Variants in MYO15A observed in about 807,000 individuals in gnomAD.
MYO15A encodes the protein myosin XVA, also known as unconventional myosin-XV.
Under a neutral mutation model 394.6 loss-of-function variants are expected in MYO15A, and 308 were observed. The ratio of observed to expected loss-of-function variants is 0.78; its 90% CI spans 0.71 to 0.86. MYO15A has a LOEUF of 0.86. Ranked by LOEUF, MYO15A falls within the 40% of genes least tolerant of loss-of-function variation. The pLI is 0.00. For missense variants in MYO15A, 4,606 were observed against 4,799.1 expected (o/e 0.96, Z 1.19); for synonymous variants, 1,957 against 2,003.8 (o/e 0.98, Z 0.62).
At position 18,120,926 on chromosome 17, in the gene MYO15A, A is replaced by G; in HGVS notation, c.2126A>G (p.His709Arg). The change falls in exon 2 of 66, where the codon CAC (histidine) becomes CGC (arginine). Residue 709 changes from histidine (H) to arginine (R), a missense_variant. His to Arg is a conservative substitution (Grantham distance 29). Transcript: ENST00000647165. ...CCGCCGCCCTGGGCCGCCCCAGCGC[A>G]CGTGCCACCGGCGCCGCAGGCCAGC... The part of the protein sequence containing the change: ...RHPPPWAAPA[H>R]VPPAPQASWW... 2 of 1,464,410 alleles carry G rather than the reference A, an allele frequency of 1.4e-6. No individual in the cohort carries two copies. The highest frequency in any genetic ancestry group is 1.8e-6 in the Non-Finnish European group (2 of 1,113,682). 90.7% of individuals were successfully genotyped at this position (1,464,410 alleles called of 1,614,324 possible).
chr17:18,172,787 T>C (rs2046961202), intron 64 of MYO15A: 2 of 257,982 alleles, frequency 7.8e-6, no homozygotes, highest in South Asian at 9.2e-5. Context: ...TCTGTCATAT[T>C]GGAGTAGGGC....
intron 22 of MYO15A, 78 bp from the exon 23 acceptor site, chr17:18,141,575 G>A: frequency 2.2e-6 from 3 of 1,361,246 alleles, no homozygotes; most frequent in South Asian, 1.2e-5. Context: ...ACACCTGGCT[G>A]GGGGCAGTAA....
rs770393118 is a variant in MYO15A at position 18,121,580 on chromosome 17, C to T, written c.2780C>T (p.Pro927Leu). Residue 927 changes from proline (P) to leucine (L), a missense_variant, in exon 2 of 66, where the codon CCC (proline) becomes CTC (leucine). Physicochemically the swap from Pro to Leu is moderately conservative, Grantham distance 98. Around this residue, in one of 2 missense-constraint regions of MYO15A, gnomAD observed 1,830 missense variants for 1,689.7 expected, o/e 1.08. Transcript: ENST00000647165. This position sits in a 1 kb window ranked among gnomAD's most constrained non-coding sequence, Gnocchi z 5.3. ...CCCTGGACTGTGCCCCCACTGGCCC[C>T]CAGCTGGGACGTGGACATGCCTCCC... is the stretch of plus-strand genomic sequence containing the variant. Reference protein sequence around the residue: ...ETPWTVPPLAPSWDVDMPPTQ... With the variant: ...ETPWTVPPLALSWDVDMPPTQ... 3 of 1,596,520 alleles carry T rather than the reference C, an allele frequency of 1.9e-6. No homozygotes were observed. The South Asian group carries it at 3.4e-5, about 18-fold the overall frequency.
At chr17:18,161,031 C>G in intron 56 of MYO15A, 1 of 560,200 alleles carries the variant, frequency 1.8e-6, no homozygotes, top group Non-Finnish European at 3.3e-6. Flanking sequence ...CTAGAGAGAT[C>G]CCCTACCTGT....
chr17:18,151,911 A>C lies in MYO15A; in HGVS notation c.7853A>C (p.Lys2618Thr). Residue 2618 changes from lysine to threonine, a missense_variant, in exon 41 of 66, where the codon AAA becomes ACA. Coordinates refer to ENST00000647165, the MANE Select transcript of MYO15A (RefSeq NM_016239.4). ...CATGAGGAGGCCCTGATGATCCTGA[A>C]AGGGCAGATGACCCACCTGGCAGCT... The part of the protein sequence containing the change: ...DPHEEALMIL[K>T]GQMTHLAAAP... 1 of 1,572,974 alleles carries C rather than the reference A, an allele frequency of 6.4e-7. No homozygotes were observed.
At position 18,163,187 on chromosome 17, in the gene MYO15A, G is replaced by A. The variant is rs1370782920; in HGVS notation, c.9613-57G>A. On this transcript the variant is annotated intron_variant, in intron 58 of 65. Transcript: ENST00000647165. The stretch of plus-strand genomic sequence containing the variant: ...GGGAACTCCCAGGGCAGGAGACAAG[G>A]GCTGTCCCAGATCCTAGGACCCAAC... The A allele has an allele frequency of 1.3e-5, 20 of 1,562,874 alleles. No individual in the cohort carries two copies. In the Admixed American group the frequency reaches 2.3e-4, roughly 18 times the overall value.
chr17:18,149,806 A>G (rs1441909570), intron 35 of MYO15A: 3 of 606,224 alleles, frequency 4.9e-6, no homozygotes, highest in Non-Finnish European at 6.0e-6. Context: ...GTGCACCTCT[A>G]GCAAGGTGTG....
chr17:18,119,324 C>T lies in MYO15A; in HGVS notation c.524C>T (p.Pro175Leu), dbSNP rs781154529. ...SRMGSRKLPF[P>L]SGAEILRPGG... ...ATGGGCTCCCGCAAACTCCCCTTCC[C>T]GTCGGGTGCCGAGATCCTGCGGCCT... The change falls in exon 2 of 66, where the codon CCG becomes CTG. Residue 175 changes from proline to leucine, a missense_variant. Pro to Leu is a moderately conservative substitution (Grantham distance 98). Transcript: ENST00000647165. 1 of 1,609,970 alleles carries T rather than the reference C, an allele frequency of 6.2e-7. No individual in the cohort carries two copies. The highest frequency in any genetic ancestry group is 2.2e-5 in the East Asian group (1 of 44,832).
In MYO15A at chr17:18,118,700, G is replaced by A. The variant is rs1233022021; in HGVS notation, c.-101G>A. 4 of 1,573,040 alleles carry A rather than the reference G, an allele frequency of 2.5e-6. No homozygotes were observed. Among genetic ancestry groups the A allele is most frequent in the Non-Finnish European group, 3.5e-6 (4 of 1,157,982 alleles). On this transcript the variant is annotated 5_prime_UTR_variant, in exon 2 of 66. Coordinates refer to ENST00000647165, the MANE Select transcript of MYO15A (RefSeq NM_016239.4). ...GGTCTGCTCACAGCCCGAGGAGGCC[G>A]CGTGTCCAGCCGCGGGCAAGAGACA...
In MYO15A at chr17:18,178,842, T is replaced by G; in HGVS notation, c.10565T>G (p.Leu3522Trp). Reference protein sequence around the residue: ...LLSAHEKRLTLPPSEITLL With the variant: ...LLSAHEKRLTWPPSEITLL ...AGTGCCCATGAGAAGCGGCTCACAT[T>G]GCCCCCCAGCGAGATCACCCTGCTC... The change falls in exon 66 of 66, where the codon TTG (leucine) becomes TGG (tryptophan). Residue 3522 changes from leucine (L) to tryptophan (W), a missense_variant. Leu to Trp is a moderately conservative substitution (Grantham distance 61). Transcript: ENST00000647165. 1 of 1,613,732 alleles carries G rather than the reference T, an allele frequency of 6.2e-7. No homozygotes were observed. Among genetic ancestry groups the G allele is most frequent in the Non-Finnish European group, 8.5e-7 (1 of 1,180,008 alleles).
chr17:18,162,474 C>T lies in MYO15A; in HGVS notation c.9518-111C>T, dbSNP rs1420849283. On this transcript the variant is annotated intron_variant, in intron 57 of 65. Coordinates refer to ENST00000647165, the MANE Select transcript of MYO15A (RefSeq NM_016239.4). Reference sequence around the variant, plus strand: ...TGTCAAATGGGGGAGTAAATGCCTTCCCCACAGCTTGTGGAGAGAATGCAG... The same window carrying T: ...TGTCAAATGGGGGAGTAAATGCCTTTCCCACAGCTTGTGGAGAGAATGCAG... 4 of 955,350 alleles carry T rather than the reference C, an allele frequency of 4.2e-6. No individual in the cohort carries two copies. In the African/African-American group the frequency reaches 6.5e-5, roughly 15 times the overall value. 59.2% of individuals were successfully genotyped at this position (955,350 alleles called of 1,614,324 possible).
Position 18,130,786 on chromosome 17 carries a change from C to A in MYO15A, c.4033-19C>A. The stretch of plus-strand genomic sequence containing the variant: ...GTTCTTGTCTGTCTCTTTGTCCTCC[C>A]TCCTGGACGCTCTTGAAGATAAAGG... On this transcript the variant is annotated intron_variant, in intron 7 of 65. Transcript: ENST00000647165. 1 of 1,612,376 alleles carries A rather than the reference C, an allele frequency of 6.2e-7. No individual in the cohort carries two copies. Among genetic ancestry groups the A allele is most frequent in the South Asian group, 1.1e-5 (1 of 91,040 alleles).
rs368667118 is a variant in MYO15A at position 18,121,154 on chromosome 17, G to T, written c.2354G>T (p.Gly785Val). 1.8e-4 allele frequency: 276 copies of T among 1,512,970 alleles called. 2 individuals carry two copies. In the African/African-American group the frequency reaches 3.3e-3, roughly 18 times the overall value. 93.7% of individuals were successfully genotyped at this position (1,512,970 alleles called of 1,614,324 possible). ...CAGCCCTCGCTGAGGAGCTCGCCGGGCCTCGGCTACTGCTCACCCTTGGCG... is the reference window on the plus strand; with the variant it reads ...CAGCCCTCGCTGAGGAGCTCGCCGGTCCTCGGCTACTGCTCACCCTTGGCG... ...SPQPSLRSSP[G>V]LGYCSPLAPP... The change falls in exon 2 of 66, where the codon GGC becomes GTC. Residue 785 changes from glycine (G) to valine (V), a missense_variant. Coordinates refer to ENST00000647165, the MANE Select transcript of MYO15A (RefSeq NM_016239.4). The surrounding 1 kb of genome is among the most constrained non-coding windows in gnomAD (Gnocchi z 5.3).
intron 7 of MYO15A, 150 bp from the exon 8 acceptor site, chr17:18,130,655 C>A: frequency 7.5e-7 from 1 of 1,326,756 alleles, no homozygotes; most frequent in Non-Finnish European, 1.1e-6. Context: ...CAAGCCTGGA[C>A]CCCTGGGGTC....
At chr17:18,136,734 C>CG in intron 15 of MYO15A, 48 bp downstream of exon 15, 1 of 1,546,368 alleles carries the variant, frequency 6.5e-7, no homozygotes, top group Non-Finnish European at 8.7e-7. Flanking sequence ...GGCAAGGTCT[C>CG]GCCTCCCTCA....
chr17:18,156,257 G>A lies in MYO15A; in HGVS notation c.8522G>A (p.Ser2841Asn). 1 of 1,614,202 alleles carries A rather than the reference G, an allele frequency of 6.2e-7. No homozygotes were observed. The highest frequency in any genetic ancestry group is 8.5e-7 in the Non-Finnish European group (1 of 1,180,030). The change falls in exon 48 of 66, where the codon AGT becomes AAT. Residue 2841 changes from serine to asparagine, a missense_variant. Physicochemically the swap from Ser to Asn is conservative, Grantham distance 46. Around this residue, in one of 2 missense-constraint regions of MYO15A, gnomAD observed 2,776 missense variants for 3,109.3 expected, o/e 0.89. Coordinates refer to ENST00000647165, the MANE Select transcript of MYO15A (RefSeq NM_016239.4). ...AACATGCTGGAGTTCAACCTGGCCA[G>A]TGAGAAGGTCATCCTCTTCTCAGCC... Reference protein sequence around the residue: ...SQNMLEFNLASEKVILFSARA... With the variant: ...SQNMLEFNLANEKVILFSARA...
chr17:18,175,292 C>CTTTTTTTTTTTTTTTTTTTTTTTT lies in MYO15A; in HGVS notation c.10491+1387_10491+1388insTTTTTTTTTTTTTTTTTTTTTTTT, dbSNP rs1182500584. 2.2e-5 allele frequency among the ~76,000 whole-genome samples: 2 copies of CTTTTTTTTTTTTTTTTTTTTTTTT among 91,294 alleles called. 1 individual carries two copies. The highest frequency in any genetic ancestry group is 4.5e-5 in the Non-Finnish European group (2 of 44,438). 59.9% of individuals were successfully genotyped at this position (91,294 alleles called of 152,430 possible). ...TCTGGTCTTTCCTCCTCTAGACTAT[C>CTTTTTTTTTTTTTTTTTTTTTTTT]TTTTTTTTTTTTTTTTGAGGCAAAG... On this transcript the variant is annotated intron_variant, in intron 65 of 65. Transcript: ENST00000647165.
At chr17:18,152,057 C>T in intron 41 of MYO15A, 55 bp from the exon 42 acceptor site, 1 of 1,544,686 alleles carries the variant, frequency 6.5e-7, no homozygotes. Flanking sequence ...CCTGCCACTG[C>T]CCCTCCACAG....
intron 17 of MYO15A, 60 bp downstream of exon 17, chr17:18,138,306 C>T: frequency 6.3e-7 from 1 of 1,580,738 alleles, no homozygotes; most frequent in Non-Finnish European, 8.6e-7. Flanking sequence ...CTCATGTCCT[C>T]ATCCCACCCT....
Sources: allele counts gnomAD v4.1 joint callset (sites outside exome capture counted in the v4.1 genomes callset), GRCh38; gene constraint gnomAD v4.1.1; regional missense constraint gnomAD v4.1.1; non-coding constraint Gnocchi (gnomAD v3.1); transcripts MANE v1.5; gene names NCBI Gene and HGNC (gene_info 2026-07-23, HGNC 2026-07-21).